Variants in MEF2C observed in about 807,000 individuals in gnomAD.
MEF2C encodes myocyte-specific enhancer factor 2C.
In MEF2C, 6 loss-of-function variants were observed where a neutral mutation model predicts 50.5. That is an observed-to-expected ratio of 0.12 (90% CI 0.07 to 0.23). MEF2C has a LOEUF of 0.23. Among genes scored for constraint, MEF2C ranks in the 10% least tolerant of loss-of-function variants. The pLI, the probability that MEF2C is intolerant of heterozygous loss-of-function variation, is 1.00. For missense variants in MEF2C, 276 were observed against 605.0 expected, an observed-to-expected ratio of 0.46 and a Z score of 5.70; for synonymous variants, 183 against 228.0, an observed-to-expected ratio of 0.80 and a Z score of 1.78.
intron 1 of MEF2C, among the ~76,000 whole-genome samples, chr5:88,859,123 A>C (rs1824587851): frequency 6.6e-6 from 1 of 152,226 alleles, no homozygotes; most frequent in Non-Finnish European, 1.5e-5. Flanking sequence ...TATTTTTAAA[A>C]TTGTTATTAA....
intron 1 of MEF2C, among the ~76,000 whole-genome samples, chr5:88,851,628 C>A (rs1821395855): frequency 6.6e-6 from 1 of 152,028 alleles, no homozygotes; most frequent in African/African-American, 2.4e-5. Context: ...CTTCTGCTTG[C>A]TAAGGTTCTA....
chr5:88,872,391 T>C lies in MEF2C; in HGVS notation c.-143+10564A>G, dbSNP rs558980074. ...TTCTAAAAATAATATATTTATTTAATAACATCAAATCTGTGAAAGGTTTTG... is the reference window on the plus strand; with the variant it reads ...TTCTAAAAATAATATATTTATTTAACAACATCAAATCTGTGAAAGGTTTTG... On this transcript the variant is annotated intron_variant, in intron 1 of 10. Coordinates refer to ENST00000504921, the MANE Select transcript of MEF2C (RefSeq NM_002397.5). Among the ~76,000 whole-genome samples the C allele has an allele frequency of 4.6e-5, 7 of 152,120 alleles. No individual in the cohort carries two copies. The South Asian group carries it at 1.4e-3, about 32-fold the overall frequency.
intron 3 of MEF2C, among the ~76,000 whole-genome samples, chr5:88,783,318 C>G (rs1489988418): frequency 1.3e-5 from 2 of 152,122 alleles, no homozygotes; most frequent in African/African-American, 4.8e-5. Flanking sequence ...CCTCTATTTA[C>G]AGACGATGGG....
chr5:88,870,376 T>TA (rs1829133545), intron 1 of MEF2C, among the ~76,000 whole-genome samples: 1 of 152,000 alleles, frequency 6.6e-6, no homozygotes, highest in Non-Finnish European at 1.5e-5. Flanking sequence ...AGTTACTCTT[T>TA]AAAAAAACCT....
chr5:88,846,976 T>A (rs1289229164), intron 1 of MEF2C, among the ~76,000 whole-genome samples: 1 of 152,252 alleles, frequency 6.6e-6, no homozygotes, highest in Non-Finnish European at 1.5e-5. Context: ...AATGTACATT[T>A]GCTTATATTG....
At chr5:88,901,824 A>G (rs531629803) in intron 1 of MEF2C, among the ~76,000 whole-genome samples, 2 of 152,116 alleles carry the variant, frequency 1.3e-5, no homozygotes, top group African/African-American at 4.8e-5. Context: ...AAAAAATGGG[A>G]TTTTAGATTA....
At chr5:88,847,860 T>C (rs1463430140) in intron 1 of MEF2C, among the ~76,000 whole-genome samples, 1 of 152,206 alleles carries the variant, frequency 6.6e-6, no homozygotes, top group Non-Finnish European at 1.5e-5. Context: ...ATCTCATTTA[T>C]ATTTACACAA....
At chr5:88,786,800 CA>C (rs1396173707) in intron 3 of MEF2C, among the ~76,000 whole-genome samples, 5 of 152,184 alleles carry the variant, frequency 3.3e-5, no homozygotes, top group Non-Finnish European at 5.9e-5. Context: ...ATTGGCTTAG[CA>C]TATCAAATTA....
intron 3 of MEF2C, among the ~76,000 whole-genome samples, chr5:88,784,108 C>A (rs1326612434): frequency 1.3e-5 from 2 of 152,188 alleles, no homozygotes; most frequent in Non-Finnish European, 2.9e-5. Context: ...GTATTAATTT[C>A]TTTGCACTTC....
At chr5:88,848,248 G>A (rs1820026566) in intron 1 of MEF2C, among the ~76,000 whole-genome samples, 1 of 152,124 alleles carries the variant, frequency 6.6e-6, no homozygotes, top group African/African-American at 2.4e-5. Context: ...ACTTAATAAT[G>A]ATCTGTATTT....
chr5:88,861,212 A>G (rs62380388), intron 1 of MEF2C, among the ~76,000 whole-genome samples: 514 of 152,348 alleles, frequency 3.4e-3, no homozygotes, highest in Non-Finnish European at 5.9e-3. Context: ...TGAATGTTCC[A>G]CTAACAGTAG....
intron 1 of MEF2C, among the ~76,000 whole-genome samples, chr5:88,872,439 A>G (rs535120943): frequency 1.4e-3 from 207 of 152,128 alleles, no homozygotes; most frequent in African/African-American, 4.6e-3. Flanking sequence ...AAAGAAGTAT[A>G]TTGAACTTAG....
chr5:88,841,016 C>T (rs956943857), intron 1 of MEF2C, among the ~76,000 whole-genome samples: 3 of 152,144 alleles, frequency 2.0e-5, no homozygotes, highest in African/African-American at 4.8e-5. Flanking sequence ...ATAAATAACA[C>T]ATGGATTTCA....
intron 1 of MEF2C, among the ~76,000 whole-genome samples, chr5:88,828,145 T>G (rs1320893880): frequency 1.3e-5 from 2 of 151,972 alleles, no homozygotes; most frequent in African/African-American, 4.8e-5. Context: ...TGAGTCATCA[T>G]CAGATTTCAA....
At position 88,732,978 on chromosome 5, in the gene MEF2C, G is replaced by A. The variant is rs139386998; in HGVS notation, c.638-1077C>T. 14 of 588,028 alleles carry A rather than the reference G, an allele frequency of 2.4e-5. No individual in the cohort carries two copies. The East Asian group carries it at 1.6e-3, about 66-fold the overall frequency. 36.4% of individuals were successfully genotyped at this position (588,028 alleles called of 1,614,324 possible). ...TGAGTGAGATTGTGTGCTACCCAGT[G>A]AGGATGCAAAGACAAGGCCCCAGGC... On this transcript the variant is annotated intron_variant, in intron 6 of 10. Transcript: ENST00000504921.
intron 2 of MEF2C, among the ~76,000 whole-genome samples, chr5:88,823,386 T>C (rs558025195): frequency 5.3e-5 from 8 of 152,070 alleles, no homozygotes; most frequent in African/African-American, 1.9e-4. Flanking sequence ...CTAGTTCCCA[T>C]GAATATAAGA....
chr5:88,730,518 T>G (rs1760982091), intron 7 of MEF2C, among the ~76,000 whole-genome samples: 1 of 152,120 alleles, frequency 6.6e-6, no homozygotes, highest in African/African-American at 2.4e-5. Context: ...AAGACTGTGC[T>G]TTGAAACCTC....
At chr5:88,730,928 A>AG (rs776287736) in intron 7 of MEF2C, among the ~76,000 whole-genome samples, 77 of 152,338 alleles carry the variant, frequency 5.1e-4, no homozygotes, top group Admixed American at 8.5e-4. Context: ...CTTGCTCTTA[A>AG]GCAAAGCTAA....
rs1248048423 is a variant in MEF2C at position 88,735,311 on chromosome 5, C to T, written c.638-3410G>A. On this transcript the variant is annotated intron_variant, in intron 6 of 10. Transcript: ENST00000504921. Reference sequence around the variant, plus strand: ...GGGTCCGGGAGGTGGGAAACACCACCTCTCAACAACCTTCTAATATATGGA... The same window carrying T: ...GGGTCCGGGAGGTGGGAAACACCACTTCTCAACAACCTTCTAATATATGGA... The T allele has an allele frequency of 1.4e-5, 14 of 985,304 alleles. No individual in the cohort carries two copies. In the South Asian group the frequency reaches 4.7e-4, roughly 33 times the overall value. The allele number at this position is 985,304 out of a possible 1,614,324, so 61.0% of individuals were successfully genotyped here. A position where few individuals can be genotyped will look rare whatever the true frequency, so the allele number is the denominator to read the frequency against.
Sources: gnomAD v4.1 joint callset for allele counts (sites outside exome capture counted in the v4.1 genomes callset) on GRCh38, gnomAD v4.1.1 for gene constraint, MANE v1.5 for transcripts, NCBI Gene and HGNC (gene_info 2026-07-23, HGNC 2026-07-21) for gene names.